CENPS: variants seen among roughly 807,000 people sequenced by gnomAD.
The protein encoded by CENPS is FANCM associated histone fold protein 1.
In CENPS, 16 loss-of-function variants were observed where a neutral mutation model predicts 17.9. The observed-to-expected ratio is 0.90, with a 90% CI of 0.61 to 1.36. The LOEUF is 1.36. Among genes scored for constraint, CENPS ranks in the 40% most tolerant of loss-of-function variants. The pLI is 0.00. For missense variants in CENPS, 160 were observed against 158.6 expected, an observed-to-expected ratio of 1.01 and a Z score of -0.05; for synonymous variants, 49 against 55.8, an observed-to-expected ratio of 0.88 and a Z score of 0.54.
chr1:10,431,544 T>G lies in CENPS; in HGVS notation c.51+976T>G, dbSNP rs565631247. Reference sequence around the variant, plus strand: ...CACTTCGCCTTTACATTTTAATTCTTTAGTACACATCTCCCAAAAACAAGG... The same window carrying G: ...CACTTCGCCTTTACATTTTAATTCTGTAGTACACATCTCCCAAAAACAAGG... On this transcript the variant is annotated intron_variant, in intron 1 of 4. Coordinates refer to ENST00000309048, the MANE Select transcript of CENPS (RefSeq NM_199294.3). 4.4e-6 allele frequency: 5 copies of G among 1,125,720 alleles called. No individual in the cohort carries two copies. In the African/African-American group the frequency reaches 6.2e-5, roughly 14 times the overall value. The allele number at this position is 1,125,720 out of a possible 1,614,324, so 69.7% of individuals were successfully genotyped here.
In CENPS at chr1:10,436,705, C is replaced by CT. The variant is rs1263344408; in HGVS notation, c.209+2018dup. Among the ~76,000 whole-genome samples the CT allele has an allele frequency of 2.0e-3, 158 of 78,068 alleles. 1 individual carries two copies. Among genetic ancestry groups the CT allele is most frequent in the African/African-American group, 7.5e-3 (151 of 20,264 alleles). The allele number at this position is 78,068 out of a possible 152,430, so 51.2% of individuals were successfully genotyped here. Reference sequence around the variant, plus strand: ...TGGGTGACAGAGTGAGACTCTGTCTCTTTAAAAAAAAAAAAAGAAAAGAAA... The same window carrying CT: ...TGGGTGACAGAGTGAGACTCTGTCTCTTTTAAAAAAAAAAAAAGAAAAGAAA... On this transcript the variant is annotated intron_variant, in intron 3 of 4. Transcript: ENST00000309048.
intron 1 of CENPS, 120 bp from the exon 2 acceptor site, chr1:10,433,722 T>C (rs1640024858): frequency 6.6e-7 from 1 of 1,512,172 alleles, no homozygotes; most frequent in Non-Finnish European, 8.9e-7. Context: ...CACTCAGCCA[T>C]TATGGAAAGC....
chr1:10,431,214 A>G, intron 1 of CENPS: 5 of 1,521,582 alleles, frequency 3.3e-6, no homozygotes, highest in Non-Finnish European at 4.4e-6. Context: ...AGAGGCTGAG[A>G]ACGTTGCCGT....
intron 4 of CENPS, among the ~76,000 whole-genome samples, chr1:10,441,379 A>G (rs1204691705): frequency 7.2e-6 from 1 of 138,554 alleles, no homozygotes; most frequent in Non-Finnish European, 1.5e-5. Flanking sequence ...GCAGTGGCGC[A>G]TCATTGCTCA....
Position 10,442,547 on chromosome 1 carries a change from T to G in CENPS, c.*142T>G. ...GGCTGGGCTAGGGTGCTTTTTGTGC[T>G]GAATTCTCCACATTGTTAACTGCCA... On this transcript the variant is annotated 3_prime_UTR_variant, in exon 5 of 5. Transcript: ENST00000309048. The G allele has an allele frequency of 7.8e-7, 1 of 1,283,220 alleles. No individual in the cohort carries two copies. The highest frequency in any genetic ancestry group is 9.9e-7 in the Non-Finnish European group (1 of 1,006,020). 79.5% of individuals were successfully genotyped at this position (1,283,220 alleles called of 1,614,324 possible).
At chr1:10,435,722 C>T (rs1640124230) in intron 3 of CENPS, among the ~76,000 whole-genome samples, 1 of 150,976 alleles carries the variant, frequency 6.6e-6, no homozygotes, top group African/African-American at 2.4e-5. Context: ...TATATACACA[C>T]ACACACACAC....
chr1:10,431,855 G>GAAAA (rs5772410), intron 1 of CENPS, among the ~76,000 whole-genome samples: 11 of 118,792 alleles, frequency 9.3e-5, no homozygotes, highest in African/African-American at 3.4e-4. Flanking sequence ...CTCCATCTCA[G>GAAAA]AAAAAAAAAA....
chr1:10,430,704 GGCTTAAC>G, intron 1 of CENPS, 136 bp downstream of exon 1: 1 of 369,318 alleles, frequency 2.7e-6, no homozygotes. Flanking sequence ...CGCATGCGTT[GGCTTAAC>G]TGCCGCGGGT....
At chr1:10,435,665 T>TG (rs1387545002) in intron 3 of CENPS, among the ~76,000 whole-genome samples, 1 of 145,364 alleles carries the variant, frequency 6.9e-6, no homozygotes, top group Middle Eastern at 3.3e-3. Flanking sequence ...TTATTAGCTG[T>TG]GGGAAAAAAA....
Position 10,432,409 on chromosome 1 carries a change from C to G in CENPS, c.52-1433C>G, listed in dbSNP as rs78662892. On this transcript the variant is annotated intron_variant, in intron 1 of 4. Transcript: ENST00000309048. ...CTGTTCTTAGTCCCTAGAACAGAGC[C>G]TGGCTCTCAATAGACCAACAAATGC... Among the ~76,000 whole-genome samples the G allele has an allele frequency of 4.6e-3, 704 of 152,304 alleles. 8 individuals are homozygous for G. Among genetic ancestry groups the G allele is most frequent in the African/African-American group, 0.016 (669 of 41,574 alleles).
At position 10,442,734 on chromosome 1, in the gene CENPS, A is replaced by G. The variant is rs879346693; in HGVS notation, c.*329A>G. On this transcript the variant is annotated 3_prime_UTR_variant, in exon 5 of 5. Transcript: ENST00000309048. ...ACATGGTTGACTTTTTCAAGCAAAA[A>G]TCAGTTCATCTTTTGATGTAATTTT... is the stretch of plus-strand genomic sequence containing the variant. 13 of 202,446 alleles carry G rather than the reference A, an allele frequency of 6.4e-5. No individual in the cohort carries two copies. Among genetic ancestry groups the G allele is most frequent in the Non-Finnish European group, 1.3e-4 (13 of 103,320 alleles). 12.5% of individuals were successfully genotyped at this position (202,446 alleles called of 1,614,324 possible). A position where few individuals can be genotyped will look rare whatever the true frequency, so the allele number is the denominator to read the frequency against.
chr1:10,438,593 G>A (rs1174407088), intron 3 of CENPS, among the ~76,000 whole-genome samples: 2 of 152,154 alleles, frequency 1.3e-5, no homozygotes, highest in Admixed American at 1.3e-4. Context: ...TACAAAGCGT[G>A]TTATATGAAA....
rs1557772150 is a variant in CENPS at position 10,430,469 on chromosome 1, A to G, written c.-49A>G. ...GGAAAATCCGACCTGGCCGCGCACC[A>G]CCGCCCCTTCTCGGCCCTCCTGCGT... is the stretch of plus-strand genomic sequence containing the variant. On this transcript the variant is annotated 5_prime_UTR_variant, in exon 1 of 5. Transcript: ENST00000309048. The G allele has an allele frequency of 1.3e-6, 2 of 1,529,122 alleles. No individual in the cohort carries two copies. Among genetic ancestry groups the G allele is most frequent in the Non-Finnish European group, 1.8e-6 (2 of 1,139,008 alleles). 94.7% of individuals were successfully genotyped at this position (1,529,122 alleles called of 1,614,324 possible).
rs1257739269 is a variant in CENPS, at chr1:10,430,636, C to T, written c.51+68C>T. The T allele has an allele frequency of 9.4e-6, 14 of 1,483,642 alleles. No homozygotes were observed. In the Admixed American group the frequency reaches 3.3e-4, roughly 35 times the overall value. The allele number at this position is 1,483,642 out of a possible 1,614,324, so 91.9% of individuals were successfully genotyped here. A position where few individuals can be genotyped will look rare whatever the true frequency, so the allele number is the denominator to read the frequency against. On this transcript the variant is annotated intron_variant, in intron 1 of 4. Transcript: ENST00000309048. ...GTCGAGTTTCTGGACAGAAAAGTAC[C>T]CGGCAGCCCCCGGCGGCTTCTCATC... is the stretch of plus-strand genomic sequence containing the variant.
In CENPS at chr1:10,442,282, C is replaced by G. The variant is rs1443762930; in HGVS notation, c.294C>G (p.Asp98Glu). The change falls in exon 5 of 5, where the codon GAC (aspartate) becomes GAG (glutamate). Residue 98 changes from aspartate (D) to glutamate (E), a missense_variant. Asp to Glu is a conservative substitution (Grantham distance 45, BLOSUM62 2). Coordinates refer to ENST00000309048, the MANE Select transcript of CENPS (RefSeq NM_199294.3). ...TTTTATAGCTAAAATACATCACAGA[C>G]AAAAGTGAAGAGATTGCTCAGATTA... is the stretch of plus-strand genomic sequence containing the variant. Reference protein sequence around the residue: ...RSNSLLKYITDKSEEIAQINL... With the variant: ...RSNSLLKYITEKSEEIAQINL... 6.3e-7 allele frequency: 1 copy of G among 1,587,510 alleles called. No individual in the cohort carries two copies. Among genetic ancestry groups the G allele is most frequent in the Non-Finnish European group, 8.5e-7 (1 of 1,172,762 alleles).
intron 1 of CENPS, chr1:10,431,029 C>T: frequency 3.0e-6 from 4 of 1,336,316 alleles, no homozygotes; most frequent in Non-Finnish European, 2.9e-6. Flanking sequence ...CAGTCAGGCC[C>T]AGAGCTCGTC....
chr1:10,430,493 G>C lies in CENPS; in HGVS notation c.-25G>C, dbSNP rs661272. The C allele has an allele frequency of 0.088, 134,546 of 1,534,912 alleles. 7,410 individuals carry two copies. Among genetic ancestry groups the C allele is most frequent in the African/African-American group, 0.19 (13,571 of 70,234 alleles). On this transcript the variant is annotated 5_prime_UTR_variant, in exon 1 of 5. Coordinates refer to ENST00000309048, the MANE Select transcript of CENPS (RefSeq NM_199294.3). Reference sequence around the variant, plus strand: ...CACCGCCCCTTCTCGGCCCTCCTGCGTTTGCCCAGGGTCGGCCCGCAGTGA... The same window carrying C: ...CACCGCCCCTTCTCGGCCCTCCTGCCTTTGCCCAGGGTCGGCCCGCAGTGA...
intron 1 of CENPS, among the ~76,000 whole-genome samples, chr1:10,433,203 C>T (rs1639999066): frequency 1.3e-5 from 2 of 152,152 alleles, no homozygotes; most frequent in Non-Finnish European, 2.9e-5. Context: ...GGCTCATCCT[C>T]CCCTCTCGGT....
rs550913401 is a variant in CENPS, at chr1:10,436,708, T to TAAAAA, written c.209+2027_209+2031dup. Among the ~76,000 whole-genome samples, 98 of 125,006 alleles carry TAAAAA rather than the reference T, an allele frequency of 7.8e-4. 2 individuals carry two copies. The highest frequency in any genetic ancestry group is 1.9e-3 in the East Asian group (8 of 4,194). 82.0% of individuals were successfully genotyped at this position (125,006 alleles called of 152,430 possible). ...GTGACAGAGTGAGACTCTGTCTCTT[T>TAAAAA]AAAAAAAAAAAAAGAAAAGAAAAGA... On this transcript the variant is annotated intron_variant, in intron 3 of 4. Coordinates refer to ENST00000309048, the MANE Select transcript of CENPS (RefSeq NM_199294.3).
Sources: gnomAD v4.1 joint callset for allele counts (sites outside exome capture counted in the v4.1 genomes callset) on GRCh38, gnomAD v4.1.1 for gene constraint, MANE v1.5 for transcripts, NCBI Gene and HGNC (gene_info 2026-07-23, HGNC 2026-07-21) for gene names.